Variants in CTSZ observed in about 807,000 individuals in gnomAD.
CTSZ encodes carboxypeptidase LB.
CTSZ carries 39 observed loss-of-function variants against 32.4 expected under a neutral mutation model. The ratio of observed to expected loss-of-function variants is 1.20; its 90% CI spans 0.93 to 1.57. The LOEUF is 1.57. CTSZ is among the 40% of genes most tolerant of loss of function. The probability of loss-of-function intolerance (pLI) is 0.00; values close to 1 mark genes in which losing one functional copy is unlikely to be tolerated. For synonymous variants in CTSZ, 168 were observed against 170.1 expected, an observed-to-expected ratio of 0.99 and a Z score of 0.10; for missense variants, 397 against 419.6, an observed-to-expected ratio of 0.95 and a Z score of 0.47.
intron 1 of CTSZ, 93 bp downstream of exon 1, chr20:59,006,893 T>C: frequency 8.8e-7 from 1 of 1,135,816 alleles, no homozygotes; most frequent in Non-Finnish European, 1.2e-6. Context: ...CAAGGCCTGT[T>C]GGCGACGCAG....
chr20:59,002,630 C>T lies in CTSZ; in HGVS notation c.308-986G>A, dbSNP rs1297515448. Among the ~76,000 whole-genome samples the T allele has an allele frequency of 2.6e-5, 4 of 152,134 alleles. No homozygotes were observed. Among genetic ancestry groups the T allele is most frequent in the Admixed American group, 6.5e-5 (1 of 15,278 alleles). On this transcript the variant is annotated intron_variant, in intron 2 of 5. Coordinates refer to ENST00000217131, the MANE Select transcript of CTSZ (RefSeq NM_001336.4). This position sits in a 1 kb window ranked among gnomAD's most constrained non-coding sequence, Gnocchi z 4.1. ...CTCCTCCACCTGGCCTCCTCCCGGTCGCCCAGCCAGGGGCCTTCTGGAACT... is the reference window on the plus strand; with the variant it reads ...CTCCTCCACCTGGCCTCCTCCCGGTTGCCCAGCCAGGGGCCTTCTGGAACT...
chr20:58,996,226 C>T (rs1411052661), intron 5 of CTSZ, among the ~76,000 whole-genome samples: 2 of 152,088 alleles, frequency 1.3e-5, no homozygotes, highest in Non-Finnish European at 2.9e-5. Flanking sequence ...TTTGAAAAAC[C>T]GACACAGTAT....
At position 59,001,558 on chromosome 20, in the gene CTSZ, A is replaced by G. The variant is rs2091889432; in HGVS notation, c.394T>C (p.Cys132Arg). The change falls in exon 3 of 6, where the codon TGT becomes CGT. Residue 132 changes from cysteine to arginine, a missense_variant. Coordinates refer to ENST00000217131, the MANE Select transcript of CTSZ (RefSeq NM_001336.4). ...ACGGACAGGTCATTACCCCCTTCAC[A>G]GGAGCCAGCGTTACCGCAGTCGATG... ...NVIDCGNAGS[C>R]EGGNDLSVWD... 6.2e-7 allele frequency: 1 copy of G among 1,614,160 alleles called. No homozygotes were observed. The highest frequency in any genetic ancestry group is 8.5e-7 in the Non-Finnish European group (1 of 1,180,012).
chr20:58,996,292 G>A (rs2091859537), intron 5 of CTSZ, among the ~76,000 whole-genome samples: 1 of 152,240 alleles, frequency 6.6e-6, no homozygotes, highest in African/African-American at 2.4e-5. Flanking sequence ...TGTAAAGGAA[G>A]AGGGTGGCAG....
intron 2 of CTSZ, 114 bp from the exon 3 acceptor site, chr20:59,001,758 G>A: frequency 2.0e-6 from 2 of 1,000,914 alleles, no homozygotes; most frequent in Non-Finnish European, 3.0e-6. Flanking sequence ...CCTGCCTTCA[G>A]CTCTGCCCAG....
intron 2 of CTSZ, among the ~76,000 whole-genome samples, chr20:59,003,696 G>A (rs1364640324): frequency 6.6e-6 from 1 of 152,168 alleles, no homozygotes; most frequent in Non-Finnish European, 1.5e-5. Context: ...GACATCCATA[G>A]GAGGGAGGGA....
At position 58,995,748 on chromosome 20, in the gene CTSZ, G is replaced by C; in HGVS notation, c.813C>G (p.Gly271=). The change falls in exon 6 of 6, where the codon GGC becomes GGG. Residue 271 remains glycine (G), a synonymous_variant. Transcript: ENST00000217131. ...NSWGEPWGER[G]WLRIVTSTYK... is the part of the protein sequence containing the mutation. The stretch of plus-strand genomic sequence containing the variant: ...AGGTGCTGGTCACGATCCTCAGCCA[G>C]CCTCTCTCGCCCTGTGAGAAGTGGG... The C allele has an allele frequency of 6.2e-7, 1 of 1,614,028 alleles. No individual in the cohort carries two copies. The highest frequency in any genetic ancestry group is 8.5e-7 in the Non-Finnish European group (1 of 1,179,988).
chr20:59,000,464 G>A (rs1018528981), intron 3 of CTSZ, among the ~76,000 whole-genome samples: 2 of 152,234 alleles, frequency 1.3e-5, no homozygotes, highest in African/African-American at 4.8e-5. Flanking sequence ...AATGGGAGCA[G>A]CCTGAAAGGA....
intron 3 of CTSZ, among the ~76,000 whole-genome samples, chr20:58,998,552 A>G (rs868050145): frequency 7.6e-5 from 11 of 145,286 alleles, no homozygotes; most frequent in Admixed American, 4.8e-4. Flanking sequence ...GTCTCAAAAA[A>G]AAAGAAAGAA....
intron 4 of CTSZ, 131 bp from the exon 5 acceptor site, chr20:58,996,932 G>C (rs2091863405): frequency 1.1e-6 from 1 of 949,066 alleles, no homozygotes; most frequent in Admixed American, 2.6e-5. Context: ...CGAGGCAGGT[G>C]GATCGCTTGA....
chr20:58,997,984 A>C (rs1480836258), intron 3 of CTSZ, among the ~76,000 whole-genome samples: 1 of 152,204 alleles, frequency 6.6e-6, no homozygotes, highest in African/African-American at 2.4e-5. Context: ...GACAGACATT[A>C]ATTAGCACAT....
Position 59,001,627 on chromosome 20 carries a change from T to A in CTSZ, c.325A>T (p.Arg109Trp). 2 of 1,613,916 alleles carry A rather than the reference T, an allele frequency of 1.2e-6. No homozygotes were observed. Among genetic ancestry groups the A allele is most frequent in the Non-Finnish European group, 1.7e-6 (2 of 1,179,880 alleles). The change falls in exon 3 of 6, where the codon AGG (arginine) becomes TGG (tryptophan). Residue 109 changes from arginine (R) to tryptophan (W), a missense_variant. By Grantham distance (101) the Arg-to-Trp change is moderately radical (BLOSUM62 -3). Coordinates refer to ENST00000217131, the MANE Select transcript of CTSZ (RefSeq NM_001336.4). ...SAMADRINIK[R>W]KGAWPSTLLS... is the part of the protein sequence containing the mutation. The stretch of plus-strand genomic sequence containing the variant: ...AGGGTGGAGGGCCACGCTCCCTTCC[T>A]CTTGATGTTGATCCGATCTGCAACA...
chr20:58,999,429 C>T (rs932441479), intron 3 of CTSZ, among the ~76,000 whole-genome samples: 15 of 152,178 alleles, frequency 9.9e-5, no homozygotes, highest in East Asian at 3.9e-4. Flanking sequence ...AGCACTTTGG[C>T]GTGGAGTGGG....
intron 5 of CTSZ, among the ~76,000 whole-genome samples, chr20:58,995,971 A>C (rs2091857701): frequency 6.6e-6 from 1 of 152,148 alleles, no homozygotes; most frequent in East Asian, 1.9e-4. Flanking sequence ...GTTTAACATG[A>C]GGGCCCTCTA....
At position 59,004,777 on chromosome 20, in the gene CTSZ, T is replaced by C. The variant is rs1450679865; in HGVS notation, c.307+1545A>G. Among the ~76,000 whole-genome samples the C allele has an allele frequency of 3.3e-5, 5 of 151,680 alleles. No homozygotes were observed. Among genetic ancestry groups the C allele is most frequent in the Non-Finnish European group, 7.4e-5 (5 of 67,918 alleles). On this transcript the variant is annotated intron_variant, in intron 2 of 5. Transcript: ENST00000217131. This position sits in a 1 kb window ranked among gnomAD's most constrained non-coding sequence, Gnocchi z 5.6. ...ATTCCTCAGTGAAAGAGGAAGCGAG[T>C]GCCTGGGCCTGGGTGCGCTGAGAAG...
intron 3 of CTSZ, among the ~76,000 whole-genome samples, chr20:59,000,385 A>G (rs1212007329): frequency 2.0e-5 from 3 of 152,134 alleles, no homozygotes; most frequent in Non-Finnish European, 4.4e-5. Context: ...TCTCAAAAAC[A>G]AACAAACAAA....
rs776229887 is a variant in CTSZ at position 58,995,720 on chromosome 20, T to C, written c.841A>G (p.Lys281Glu). 149 of 1,614,014 alleles carry C rather than the reference T, an allele frequency of 9.2e-5. No individual in the cohort carries two copies. Among genetic ancestry groups the C allele is most frequent in the Non-Finnish European group, 1.2e-4 (143 of 1,180,034 alleles). The change falls in exon 6 of 6, where the codon AAG (lysine) becomes GAG (glutamate). Residue 281 changes from lysine to glutamate, a missense_variant. Physicochemically the swap from Lys to Glu is moderately conservative, Grantham distance 56. Coordinates refer to ENST00000217131, the MANE Select transcript of CTSZ (RefSeq NM_001336.4). ...GWLRIVTSTY[K>E]DGKGARYNLA... ...TTGTATCTGGCGCCCTTCCCATCCT[T>C]ATAGGTGCTGGTCACGATCCTCAGC...
At chr20:58,996,972 G>A (rs564941820) in intron 4 of CTSZ, among the ~76,000 whole-genome samples, 171 bp from the exon 5 acceptor site, 21 of 152,044 alleles carry the variant, frequency 1.4e-4, no homozygotes, top group Non-Finnish European at 2.6e-4. Flanking sequence ...GCCTGGGCAA[G>A]ATGGCGAAAC....
At chr20:59,003,556 C>A (rs117504054) in intron 2 of CTSZ, among the ~76,000 whole-genome samples, 3,140 of 152,312 alleles carry the variant, frequency 0.021, 55 homozygotes, top group Middle Eastern at 0.034. Context: ...GACATGACCC[C>A]ACAGTTAAGT....
Sources: gnomAD v4.1 joint callset for allele counts (sites outside exome capture counted in the v4.1 genomes callset) on GRCh38, gnomAD v4.1.1 for gene constraint, Gnocchi (gnomAD v3.1) non-coding constraint, MANE v1.5 for transcripts, NCBI Gene and HGNC (gene_info 2026-07-23, HGNC 2026-07-21) for gene names.